Variants in LTBP4 observed in about 807,000 individuals in gnomAD.
The protein encoded by LTBP4 is latent transforming growth factor beta binding protein 4.
Under a neutral mutation model 180.2 loss-of-function variants are expected in LTBP4, and 93 were observed. That is an observed-to-expected ratio of 0.52 (90% CI 0.44 to 0.61). The LOEUF is 0.61. Among genes scored for constraint, LTBP4 ranks in the 20% least tolerant of loss-of-function variants. The pLI is 0.00. For synonymous variants in LTBP4, 947 were observed against 934.5 expected (o/e 1.01, Z -0.24); for missense variants, 2,116 against 2,256.5 (o/e 0.94, Z 1.26).
At chr19:40,614,210 C>A in intron 18 of LTBP4, 105 bp from the exon 19 acceptor site, 2 of 1,479,920 alleles carry the variant, frequency 1.4e-6, no homozygotes, top group Non-Finnish European at 1.8e-6. Context: ...CCTGCCCTCT[C>A]CTCTGCTTCC....
intron 18 of LTBP4, 83 bp from the exon 19 acceptor site, chr19:40,614,232 C>G (rs900033782): frequency 6.5e-7 from 1 of 1,536,486 alleles, no homozygotes; most frequent in Non-Finnish European, 8.8e-7. Context: ...CGGCCTCCCC[C>G]TTCTGACTCT....
At position 40,610,026 on chromosome 19, in the gene LTBP4, C is replaced by T. The variant is rs2081493603; in HGVS notation, c.1684+155C>T. The T allele has an allele frequency of 2.0e-6, 2 of 1,006,314 alleles. 1 individual carries two copies. Among genetic ancestry groups the T allele is most frequent in the Admixed American group, 6.2e-5 (2 of 32,410 alleles). 62.3% of individuals were successfully genotyped at this position (1,006,314 alleles called of 1,614,324 possible). A position where few individuals can be genotyped will look rare whatever the true frequency, so the allele number is the denominator to read the frequency against. On this transcript the variant is annotated intron_variant, in intron 11 of 29. Transcript: ENST00000396819. ...TTGGCCCTGCCCTTCCCTGACCCGC[C>T]TCCACCCAGCTCCAGCCTCCCTTTG...
rs1016877605 is a variant in LTBP4 at position 40,609,914 on chromosome 19, C to G, written c.1684+43C>G. The G allele has an allele frequency of 6.8e-7, 1 of 1,480,910 alleles. No homozygotes were observed. The highest frequency in any genetic ancestry group is 1.4e-5 in the African/African-American group (1 of 71,518). The allele number at this position is 1,480,910 out of a possible 1,614,324, so 91.7% of individuals were successfully genotyped here. A position where few individuals can be genotyped will look rare whatever the true frequency, so the allele number is the denominator to read the frequency against. On this transcript the variant is annotated intron_variant, in intron 11 of 29. Transcript: ENST00000396819. The surrounding 1 kb of genome is among the most constrained non-coding windows in gnomAD (Gnocchi z 4.9). ...CCCGGCTCCAGGCCCACCCCAGGGT[C>G]TCGCTCCTGCTCTCACTCCAGAGCC...
chr19:40,599,365 G>C, upstream of LTBP4: 1 of 1,610,232 alleles, frequency 6.2e-7, no homozygotes, highest in East Asian at 2.2e-5. Context: ...GGATGCATTT[G>C]GTAGAGAAGT....
chr19:40,607,289 C>A, intron 6 of LTBP4, 76 bp from the exon 7 acceptor site: 45 of 396,130 alleles, frequency 1.1e-4, no homozygotes, highest in Non-Finnish European at 1.7e-4. Context: ...CAGAACCATT[C>A]CCCTCTCTCC....
chr19:40,617,183 G>A lies in LTBP4; in HGVS notation c.3028G>A (p.Asp1010Asn), dbSNP rs537706259. 1.2e-5 allele frequency: 20 copies of A among 1,613,900 alleles called. No individual in the cohort carries two copies. The Middle Eastern group carries it at 9.9e-4, about 80-fold the overall frequency. ...GCCCGGCTCCTTCCAGTGCCTCTGTGACCAGGGTTACGAGGGGGCACGGGA... is the reference window on the plus strand; with the variant it reads ...GCCCGGCTCCTTCCAGTGCCTCTGTAACCAGGGTTACGAGGGGGCACGGGA... ...NLPGSFQCLC[D>N]QGYEGARDGR... is the part of the protein sequence containing the mutation. The change falls in exon 21 of 30, where the codon GAC (aspartate) becomes AAC (asparagine). Residue 1010 changes from aspartate to asparagine, a missense_variant. By Grantham distance (23) the Asp-to-Asn change is conservative. Around this residue, in one of 5 missense-constraint regions of LTBP4, gnomAD observed 278 missense variants for 373.0 expected, o/e 0.75. Coordinates refer to ENST00000396819, the MANE Select transcript of LTBP4 (RefSeq NM_001042545.2).
At position 40,610,801 on chromosome 19, in the gene LTBP4, T is replaced by C; in HGVS notation, c.1810+144T>C. ...GCTCTCGAGCAGACGTGTGGCCTGA[T>C]GGCAGTAGAGAGAGACCTGGGATGC... On this transcript the variant is annotated intron_variant, in intron 12 of 29. Transcript: ENST00000396819. 4 of 1,263,364 alleles carry C rather than the reference T, an allele frequency of 3.2e-6. No individual in the cohort carries two copies. In the South Asian group the frequency reaches 4.8e-5, roughly 15 times the overall value. 78.3% of individuals were successfully genotyped at this position (1,263,364 alleles called of 1,614,324 possible).
chr19:40,612,422 G>A lies in LTBP4; in HGVS notation c.2299+230G>A, dbSNP rs561108474. Among the ~76,000 whole-genome samples, 9 of 152,238 alleles carry A rather than the reference G, an allele frequency of 5.9e-5. No homozygotes were observed. The South Asian group carries it at 1.5e-3, about 25-fold the overall frequency. ...ACCCTAACCATCACCCTTGATGATA[G>A]TCCCTGCCCATACCCTGATAGCAAT... On this transcript the variant is annotated intron_variant, in intron 15 of 29. Coordinates refer to ENST00000396819, the MANE Select transcript of LTBP4 (RefSeq NM_001042545.2).
intron 1 of LTBP4, 110 bp from the exon 2 acceptor site, chr19:40,604,925 C>A: frequency 1.0e-6 from 1 of 976,526 alleles, no homozygotes; most frequent in Non-Finnish European, 1.5e-6. Flanking sequence ...GGCCACATGA[C>A]AGCTAAGGGC....
At chr19:40,604,599 T>C (rs1372124713) in intron 1 of LTBP4, among the ~76,000 whole-genome samples, 1 of 152,136 alleles carries the variant, frequency 6.6e-6, no homozygotes, top group Non-Finnish European at 1.5e-5. Context: ...ATCCCAGCAC[T>C]TTGGGAGACT....
chr19:40,620,417 T>C (rs2081578335), intron 22 of LTBP4, among the ~76,000 whole-genome samples: 1 of 151,932 alleles, frequency 6.6e-6, no homozygotes, highest in South Asian at 2.1e-4. Context: ...TTTGTATTTT[T>C]TGTAGAGATG....
intron 1 of LTBP4, 78 bp from the exon 2 acceptor site, chr19:40,604,957 A>T (rs1328507874): frequency 3.5e-5 from 47 of 1,324,912 alleles, no homozygotes; most frequent in Non-Finnish European, 4.6e-5. Flanking sequence ...GAAATGAATG[A>T]TACCTTGAGG....
At chr19:40,624,586 A>G (rs1011273592) in intron 26 of LTBP4, among the ~76,000 whole-genome samples, 1 of 152,026 alleles carries the variant, frequency 6.6e-6, no homozygotes, top group Non-Finnish European at 1.5e-5. Flanking sequence ...TTTAGTAGAG[A>G]CAGGGTTTCT....
rs185418830 is a variant in LTBP4 at position 40,626,908 on chromosome 19, G to C, written c.3986-67G>C. 3,287 of 1,475,690 alleles carry C rather than the reference G, an allele frequency of 2.2e-3. 5 individuals carry two copies. Among genetic ancestry groups the C allele is most frequent in the Admixed American group, 5.6e-3 (239 of 42,392 alleles). 91.4% of individuals were successfully genotyped at this position (1,475,690 alleles called of 1,614,324 possible). A position where few individuals can be genotyped will look rare whatever the true frequency, so the allele number is the denominator to read the frequency against. On this transcript the variant is annotated intron_variant, in intron 27 of 29. Coordinates refer to ENST00000396819, the MANE Select transcript of LTBP4 (RefSeq NM_001042545.2). Reference sequence around the variant, plus strand: ...CAGTCCTCTGCCTCCTCTCCCAAGGGGGGTATGTGAGTGGTGGGTGTGGGG... The same window carrying C: ...CAGTCCTCTGCCTCCTCTCCCAAGGCGGGTATGTGAGTGGTGGGTGTGGGG...
rs1035440118 is a variant in LTBP4 at position 40,609,933 on chromosome 19, C to T, written c.1684+62C>T. The stretch of plus-strand genomic sequence containing the variant: ...CAGGGTCTCGCTCCTGCTCTCACTC[C>T]AGAGCCTCTCCAGCCCTCCCACGCT... On this transcript the variant is annotated intron_variant, in intron 11 of 29. Coordinates refer to ENST00000396819, the MANE Select transcript of LTBP4 (RefSeq NM_001042545.2). The surrounding 1 kb of genome is among the most constrained non-coding windows in gnomAD (Gnocchi z 4.9). 7.5e-6 allele frequency: 11 copies of T among 1,462,232 alleles called. No homozygotes were observed. Among genetic ancestry groups the T allele is most frequent in the Admixed American group, 7.1e-5 (3 of 42,366 alleles). 90.6% of individuals were successfully genotyped at this position (1,462,232 alleles called of 1,614,324 possible).
In LTBP4 at chr19:40,605,730, G is replaced by A. The variant is rs1402894843; in HGVS notation, c.692G>A (p.Cys231Tyr). The change falls in exon 4 of 30, where the codon TGC (cysteine) becomes TAC (tyrosine). Residue 231 changes from cysteine (C) to tyrosine (Y), a missense_variant and splice_region_variant. Around this residue, in one of 5 missense-constraint regions of LTBP4, gnomAD observed 469 missense variants for 532.5 expected, o/e 0.88. Transcript: ENST00000396819. This position sits in a 1 kb window ranked among gnomAD's most constrained non-coding sequence, Gnocchi z 5.5. The stretch of plus-strand genomic sequence containing the variant: ...CGCTCACCCAACACTTCCCCGCAGT[G>A]CGCGTCCCCGCTGCCCGGGCTCCGG... ...YCFRELRGGE[C>Y]ASPLPGLRTQ... 6.5e-7 allele frequency: 1 copy of A among 1,546,298 alleles called. No homozygotes were observed. The highest frequency in any genetic ancestry group is 2.0e-5 in the Admixed American group (1 of 50,970).
chr19:40,599,575 C>T (rs377594178), upstream of LTBP4: 7 of 1,598,400 alleles, frequency 4.4e-6, no homozygotes, highest in Admixed American at 1.2e-4. Flanking sequence ...GCAGTCCCTC[C>T]CCTACCAAAT....
chr19:40,613,443 A>C lies in LTBP4; in HGVS notation c.2471A>C (p.His824Pro), dbSNP rs1568408043. 18 of 1,603,770 alleles carry C rather than the reference A, an allele frequency of 1.1e-5. No individual in the cohort carries two copies. Among genetic ancestry groups the C allele is most frequent in the Non-Finnish European group, 1.5e-5 (18 of 1,175,682 alleles). The change falls in exon 17 of 30, where the codon CAC (histidine) becomes CCC (proline). Residue 824 changes from histidine to proline, a missense_variant. Physicochemically the swap from His to Pro is moderately conservative, Grantham distance 77. This residue lies in a region of LTBP4 where 877 missense variants were observed against 873.6 expected (regional missense o/e 1.00). Transcript: ENST00000396819. This position sits in a 1 kb window ranked among gnomAD's most constrained non-coding sequence, Gnocchi z 5.0. ...CTGGAGGGCGATTTCTGCTTCCCTC[A>C]CGGCGAGTGCCTCAACACTGACGGC... Reference protein sequence around the residue: ...ECLEGDFCFPHGECLNTDGSF... With the variant: ...ECLEGDFCFPPGECLNTDGSF...
chr19:40,620,634 G>T (rs1599874470), intron 22 of LTBP4, among the ~76,000 whole-genome samples: 1 of 151,748 alleles, frequency 6.6e-6, no homozygotes, highest in South Asian at 2.1e-4. Flanking sequence ...AAATTAGCTG[G>T]GTGTAGTGGT....
Sources: allele counts gnomAD v4.1 joint callset (sites outside exome capture counted in the v4.1 genomes callset), GRCh38; gene constraint gnomAD v4.1.1; regional missense constraint gnomAD v4.1.1; non-coding constraint Gnocchi (gnomAD v3.1); transcripts MANE v1.5; gene names NCBI Gene and HGNC (gene_info 2026-07-23, HGNC 2026-07-21).